The following GSTCD variants were observed in gnomAD, a reference collection of about 807,000 sequenced individuals.
GSTCD encodes glutathione S-transferase C-terminal domain-containing protein.
GSTCD carries 44 observed loss-of-function variants against 68.3 expected under a neutral mutation model. That is an observed-to-expected ratio of 0.64 (90% CI 0.51 to 0.83). GSTCD has a LOEUF of 0.83. Among genes scored for constraint, GSTCD ranks in the 40% least tolerant of loss-of-function variants. GSTCD has a pLI of 0.00. For missense variants in GSTCD, 739 were observed against 735.9 expected (o/e 1.00, Z -0.05); for synonymous variants, 273 against 255.2 (o/e 1.07, Z -0.67).
At chr4:105,730,134 G>A (rs1733180670) in intron 5 of GSTCD, among the ~76,000 whole-genome samples, 1 of 152,142 alleles carries the variant, frequency 6.6e-6, no homozygotes, top group South Asian at 2.1e-4. Context: ...TCTTAATCCA[G>A]TCTAACATTG....
intron 5 of GSTCD, among the ~76,000 whole-genome samples, chr4:105,784,389 C>T (rs890954265): frequency 1.3e-5 from 2 of 152,170 alleles, no homozygotes; most frequent in African/African-American, 4.8e-5. Flanking sequence ...AGCTTTATAA[C>T]AATTCACCCT....
At chr4:105,737,327 A>G (rs1027515574) in intron 5 of GSTCD, among the ~76,000 whole-genome samples, 1 of 152,108 alleles carries the variant, frequency 6.6e-6, no homozygotes, top group Non-Finnish European at 1.5e-5. Flanking sequence ...CCTGATGACT[A>G]CTTATTTATT....
chr4:105,777,423 C>A (rs1387779412), intron 5 of GSTCD, among the ~76,000 whole-genome samples: 2 of 152,210 alleles, frequency 1.3e-5, no homozygotes, highest in African/African-American at 4.8e-5. Flanking sequence ...TATTGCCAAT[C>A]TGGAATGACT....
intron 5 of GSTCD, chr4:105,753,303 T>G (rs1010092963): frequency 2.0e-5 from 3 of 152,062 alleles, no homozygotes; most frequent in African/African-American, 7.2e-5. Flanking sequence ...ATGTTTTCTC[T>G]GAAACAAAGA....
rs1288066634 is a variant in GSTCD, at chr4:105,846,985, G to A, written c.*1408G>A. 1 of 152,066 alleles carries A rather than the reference G, an allele frequency of 6.6e-6. No homozygotes were observed. Among genetic ancestry groups the A allele is most frequent in the Non-Finnish European group, 1.5e-5 (1 of 67,998 alleles). 9.4% of individuals were successfully genotyped at this position (152,066 alleles called of 1,614,324 possible). A position where few individuals can be genotyped will look rare whatever the true frequency, so the allele number is the denominator to read the frequency against. On this transcript the variant is annotated 3_prime_UTR_variant, in exon 12 of 12. Coordinates refer to ENST00000515279, the MANE Select transcript of GSTCD (RefSeq NM_001370181.1). ...TGTTCTTTATGGAATACTACAATGT[G>A]TTGTCACAGGATTTGTTATTCAGAT...
In GSTCD at chr4:105,837,886, C is replaced by A; in HGVS notation, c.1692C>A (p.Tyr564Ter). 1 of 1,092,600 alleles carries A rather than the reference C, an allele frequency of 9.2e-7. No individual in the cohort carries two copies. The highest frequency in any genetic ancestry group is 1.3e-6 in the Non-Finnish European group (1 of 751,492). The allele number at this position is 1,092,600 out of a possible 1,614,324, so 67.7% of individuals were successfully genotyped here. The part of the protein sequence containing the change: ...KSEQFKKTLS[Y>*]KEHMILCRFA... ...AACAATTCAAGAAAACTTTATCATA[C>A]AAGGTAACCTTAAAAAGATCTAGAT... The change falls in exon 10 of 12, where the codon TAC becomes TAA. Residue 564 changes from tyrosine (Y) to a stop codon, truncating the protein, a stop_gained. Coordinates refer to ENST00000515279, the MANE Select transcript of GSTCD (RefSeq NM_001370181.1). LOFTEE classifies it high-confidence loss of function.
At chr4:105,829,717 T>C (rs1475465467) in intron 8 of GSTCD, among the ~76,000 whole-genome samples, 1 of 152,146 alleles carries the variant, frequency 6.6e-6, no homozygotes, top group Non-Finnish European at 1.5e-5. Context: ...AGATGAGATT[T>C]GGGTAGGGAC....
intron 8 of GSTCD, 113 bp from the exon 9 acceptor site, chr4:105,834,348 T>A: frequency 1.3e-6 from 1 of 782,600 alleles, no homozygotes; most frequent in East Asian, 2.7e-5. Context: ...TTAATTGATA[T>A]GTGTAGCTAA....
chr4:105,739,578 A>G (rs781150638), intron 5 of GSTCD, among the ~76,000 whole-genome samples: 12 of 152,300 alleles, frequency 7.9e-5, no homozygotes, highest in South Asian at 2.1e-4. Flanking sequence ...CACTGCTTCA[A>G]TAGGCACTGG....
At chr4:105,771,569 G>C (rs1409455554) in intron 5 of GSTCD, among the ~76,000 whole-genome samples, 1 of 152,148 alleles carries the variant, frequency 6.6e-6, no homozygotes, top group Non-Finnish European at 1.5e-5. Flanking sequence ...AAGGGGTCCA[G>C]TTTCAGTTTT....
intron 5 of GSTCD, among the ~76,000 whole-genome samples, chr4:105,772,483 G>C (rs1302327396): frequency 6.6e-6 from 1 of 152,104 alleles, no homozygotes; most frequent in Non-Finnish European, 1.5e-5. Flanking sequence ...GTACTATATT[G>C]GCTGTGGGTT....
chr4:105,723,799 A>G (rs1244809344), intron 3 of GSTCD, among the ~76,000 whole-genome samples: 1 of 151,808 alleles, frequency 6.6e-6, no homozygotes, highest in Non-Finnish European at 1.5e-5. Context: ...AAAACCTACT[A>G]TGTTGATTTC....
intron 5 of GSTCD, among the ~76,000 whole-genome samples, chr4:105,744,490 A>G (rs901667310): frequency 1.1e-4 from 16 of 152,162 alleles, no homozygotes; most frequent in African/African-American, 3.9e-4. Flanking sequence ...CTTCTGTAAG[A>G]AAGTTTTTTC....
At chr4:105,748,821 C>T (rs1733903924) in intron 5 of GSTCD, among the ~76,000 whole-genome samples, 1 of 151,842 alleles carries the variant, frequency 6.6e-6, no homozygotes, top group Admixed American at 6.6e-5. Flanking sequence ...TTAGAGAAGT[C>T]AGCCAGAGTA....
intron 5 of GSTCD, among the ~76,000 whole-genome samples, chr4:105,815,975 G>GT (rs879456077): frequency 1.9e-4 from 29 of 152,232 alleles, no homozygotes; most frequent in South Asian, 4.1e-4. Context: ...TCAATTAACT[G>GT]TGGATTCTGG....
chr4:105,735,985 A>G (rs888917181), intron 5 of GSTCD, among the ~76,000 whole-genome samples: 2 of 151,836 alleles, frequency 1.3e-5, no homozygotes, highest in Non-Finnish European at 2.9e-5. Context: ...TTTATAATCC[A>G]TTTTCTCCGA....
intron 5 of GSTCD, among the ~76,000 whole-genome samples, chr4:105,768,068 C>T (rs1734691507): frequency 6.7e-6 from 1 of 149,168 alleles, no homozygotes; most frequent in African/African-American, 2.5e-5. Context: ...CGGAGTCTCT[C>T]CCTGTCTCCC....
chr4:105,775,331 C>T (rs1200098698), intron 5 of GSTCD, among the ~76,000 whole-genome samples: 1 of 152,110 alleles, frequency 6.6e-6, no homozygotes, highest in African/African-American at 2.4e-5. Context: ...TTGCTATTGC[C>T]TTCTGAATCC....
rs1016638914 is a variant in GSTCD at position 105,825,681 on chromosome 4, A to G, written c.1411A>G (p.Ile471Val). 2.7e-6 allele frequency: 4 copies of G among 1,491,286 alleles called. No homozygotes were observed. Among genetic ancestry groups the G allele is most frequent in the South Asian group, 2.3e-5 (2 of 86,598 alleles). 92.4% of individuals were successfully genotyped at this position (1,491,286 alleles called of 1,614,324 possible). The change falls in exon 8 of 12, where the codon ATA becomes GTA. Residue 471 changes from isoleucine to valine, a missense_variant. Physicochemically the swap from Ile to Val is conservative, Grantham distance 29 (BLOSUM62 3). Coordinates refer to ENST00000515279, the MANE Select transcript of GSTCD (RefSeq NM_001370181.1). ...HMLPSCQVTL[I>V]ENKELSLIRA... ...TCTGGGTAAAATCTAGGTTACATTA[A>G]TAGAAAACAAGGAATTATCATTAAT...
Sources: allele counts gnomAD v4.1 joint callset (sites outside exome capture counted in the v4.1 genomes callset), GRCh38; gene constraint gnomAD v4.1.1; transcripts MANE v1.5; gene names NCBI Gene and HGNC (gene_info 2026-07-23, HGNC 2026-07-21).